Variants in GRPEL2 observed in about 807,000 individuals in gnomAD.
GRPEL2 encodes the protein GrpE like 2, mitochondrial, also known as grpE protein homolog 2, mitochondrial.
Under a neutral mutation model 25.9 loss-of-function variants are expected in GRPEL2, and 18 were observed. The ratio of observed to expected loss-of-function variants is 0.70; its 90% CI spans 0.48 to 1.03. The LOEUF (loss-of-function observed/expected upper bound fraction) is 1.03, where lower values mean the gene tolerates loss of function less well. Ranked by LOEUF, GRPEL2 falls within the 50% of genes least tolerant of loss-of-function variation. GRPEL2 has a pLI of 0.00. For synonymous variants in GRPEL2, 106 were observed against 107.9 expected (o/e 0.98, Z 0.11); for missense variants, 247 against 276.2 (o/e 0.89, Z 0.75).
intron 1 of GRPEL2, among the ~76,000 whole-genome samples, chr5:149,346,715 A>ATTTTTTTTTTTTTTTTTTTTTTTTTTT (rs34300270): frequency 1.7e-5 from 1 of 59,272 alleles, no homozygotes; most frequent in Non-Finnish European, 2.9e-5. Context: ...GGCCCTGAGA[A>ATTTTTTTTTTTTTTTTTTTTTTTTTTT]TTTTTTTTTT....
rs1423807005 is a variant in GRPEL2, at chr5:149,345,513, C to G, written c.-27C>G. 6.3e-7 allele frequency: 1 copy of G among 1,598,134 alleles called. No individual in the cohort carries two copies. The highest frequency in any genetic ancestry group is 8.5e-7 in the Non-Finnish European group (1 of 1,171,250). ...TCTTCACTCGCAGCAAGTGCGCGTG[C>G]GCTGCCTCTCAGCCCAAATTGGAAA... On this transcript the variant is annotated 5_prime_UTR_variant, in exon 1 of 4. Transcript: ENST00000329271.
intron 1 of GRPEL2, among the ~76,000 whole-genome samples, chr5:149,347,273 C>G (rs893062968): frequency 6.6e-6 from 1 of 152,196 alleles, no homozygotes; most frequent in African/African-American, 2.4e-5. Flanking sequence ...CCAGGATGCT[C>G]TTCCCTTTTC....
In GRPEL2 at chr5:149,353,298, T is replaced by C. The variant is rs1307065983; in HGVS notation, c.*2016T>C. On this transcript the variant is annotated 3_prime_UTR_variant, in exon 4 of 4. Transcript: ENST00000329271. ...TTCACAATAGGAAGTTGTCTTTTTT[T>C]GCCTTCCATTCTGTGAGATTTGACA... is the stretch of plus-strand genomic sequence containing the variant. The C allele has an allele frequency of 6.6e-6, 1 of 152,602 alleles. No individual in the cohort carries two copies. The highest frequency in any genetic ancestry group is 1.9e-4 in the East Asian group (1 of 5,206). The allele number at this position is 152,602 out of a possible 1,614,324, so 9.5% of individuals were successfully genotyped here. A position where few individuals can be genotyped will look rare whatever the true frequency, so the allele number is the denominator to read the frequency against.
intron 2 of GRPEL2, among the ~76,000 whole-genome samples, chr5:149,349,073 G>A (rs1308435568): frequency 1.3e-5 from 2 of 151,704 alleles, no homozygotes; most frequent in African/African-American, 2.4e-5. Context: ...TCAGCTCACT[G>A]CAACCTCTGC....
At chr5:149,346,335 G>T (rs1757688131) in intron 1 of GRPEL2, among the ~76,000 whole-genome samples, 1 of 152,114 alleles carries the variant, frequency 6.6e-6, no homozygotes, top group East Asian at 1.9e-4. Context: ...TTTCTTCCTG[G>T]GATAGAGAAT....
rs1757822710 is a variant in GRPEL2, at chr5:149,354,295, T to G, written c.*3013T>G. Reference sequence around the variant, plus strand: ...GACTTGAGATGATACTAAGGAAGCTTTGGCTCACTCTCACTTGAAGAGGGG... The same window carrying G: ...GACTTGAGATGATACTAAGGAAGCTGTGGCTCACTCTCACTTGAAGAGGGG... On this transcript the variant is annotated 3_prime_UTR_variant, in exon 4 of 4. Coordinates refer to ENST00000329271, the MANE Select transcript of GRPEL2 (RefSeq NM_152407.4). 1 of 152,224 alleles carries G rather than the reference T, an allele frequency of 6.6e-6. No homozygotes were observed. Among genetic ancestry groups the G allele is most frequent in the Admixed American group, 6.5e-5 (1 of 15,290 alleles). 9.4% of individuals were successfully genotyped at this position (152,224 alleles called of 1,614,324 possible).
chr5:149,348,399 C>G lies in GRPEL2; in HGVS notation c.205C>G (p.Leu69Val). The G allele has an allele frequency of 1.2e-6, 2 of 1,610,960 alleles. No individual in the cohort carries two copies. The highest frequency in any genetic ancestry group is 1.7e-4 in the Middle Eastern group (1 of 5,880). Residue 69 changes from leucine to valine, a missense_variant, in exon 2 of 4, where the codon CTG becomes GTG. Coordinates refer to ENST00000329271, the MANE Select transcript of GRPEL2 (RefSeq NM_152407.4). ...ERALRVKAVK[L>V]EKEVQDLTVR... The stretch of plus-strand genomic sequence containing the variant: ...AGCCTTAAGGGTAAAAGCTGTTAAA[C>G]TGGAGAAAGAAGTCCAAGATTTAAC...
chr5:149,348,192 A>T, intron 1 of GRPEL2, 80 bp from the exon 2 acceptor site: 1 of 1,278,838 alleles, frequency 7.8e-7, no homozygotes, highest in East Asian at 2.4e-5. Context: ...ATCTGGGAAG[A>T]TCTCTGGTCT....
At position 149,353,766 on chromosome 5, in the gene GRPEL2, T is replaced by C. The variant is rs1757814178; in HGVS notation, c.*2484T>C. The stretch of plus-strand genomic sequence containing the variant: ...CAGACTTAAAAGTGTAAATTTAGAA[T>C]TAGAAGATGAAGCTATAGTAGTAAG... On this transcript the variant is annotated 3_prime_UTR_variant, in exon 4 of 4. Transcript: ENST00000329271. 6.6e-6 allele frequency: 1 copy of C among 152,156 alleles called. No homozygotes were observed. Among genetic ancestry groups the C allele is most frequent in the Non-Finnish European group, 1.5e-5 (1 of 68,028 alleles). 9.4% of individuals were successfully genotyped at this position (152,156 alleles called of 1,614,324 possible).
intron 1 of GRPEL2, among the ~76,000 whole-genome samples, chr5:149,347,419 C>T (rs1757706775): frequency 6.6e-6 from 1 of 152,164 alleles, no homozygotes; most frequent in African/African-American, 2.4e-5. Flanking sequence ...GATAATTTTA[C>T]TTACAGTCAA....
intron 1 of GRPEL2, among the ~76,000 whole-genome samples, chr5:149,346,004 C>G (rs1169076648): frequency 6.6e-6 from 1 of 152,222 alleles, no homozygotes; most frequent in Non-Finnish European, 1.5e-5. Context: ...TATCCGGGCA[C>G]TGTTGTACCT....
Position 149,351,175 on chromosome 5 carries a change from C to A in GRPEL2, c.571C>A (p.Gln191Lys), listed in dbSNP as rs1757767702. The change falls in exon 4 of 4, where the codon CAG becomes AAG. Residue 191 changes from glutamine to lysine, a missense_variant. Transcript: ENST00000329271. ...ICHVPAGVGV[Q>K]PGTVALVRQD... is the part of the protein sequence containing the mutation. ...TCATGTGCCAGCTGGTGTTGGGGTGCAGCCTGGCACCGTGGCATTAGTAAG... is the reference window on the plus strand; with the variant it reads ...TCATGTGCCAGCTGGTGTTGGGGTGAAGCCTGGCACCGTGGCATTAGTAAG... 1 of 1,614,004 alleles carries A rather than the reference C, an allele frequency of 6.2e-7. No individual in the cohort carries two copies. The highest frequency in any genetic ancestry group is 8.5e-7 in the Non-Finnish European group (1 of 1,180,022).
In GRPEL2 at chr5:149,345,532, T is replaced by G; in HGVS notation, c.-8T>G. On this transcript the variant is annotated 5_prime_UTR_variant, in exon 1 of 4. Coordinates refer to ENST00000329271, the MANE Select transcript of GRPEL2 (RefSeq NM_152407.4). ...CGCGTGCGCTGCCTCTCAGCCCAAA[T>G]TGGAAACATGGCCGTACGGTCGCTG... The G allele has an allele frequency of 6.2e-7, 1 of 1,610,026 alleles. No individual in the cohort carries two copies. Among genetic ancestry groups the G allele is most frequent in the Non-Finnish European group, 8.5e-7 (1 of 1,178,412 alleles).
At chr5:149,345,691 C>T in intron 1 of GRPEL2, 75 bp downstream of exon 1, 4 of 1,289,174 alleles carry the variant, frequency 3.1e-6, no homozygotes, top group Non-Finnish European at 4.4e-6. Flanking sequence ...TGGTTGTGGG[C>T]TGGAAGGCGA....
intron 1 of GRPEL2, among the ~76,000 whole-genome samples, chr5:149,347,357 A>G (rs73795986): frequency 0.027 from 4,146 of 152,274 alleles, 156 homozygotes; most frequent in African/African-American, 0.079. Context: ...AGTATATGCC[A>G]GTCCATAAAA....
rs1254271474 is a variant in GRPEL2, at chr5:149,350,925, G to C, written c.321G>C (p.Gln107His). Residue 107 changes from glutamine to histidine, a missense_variant, in exon 4 of 4, where the codon CAG becomes CAC. Transcript: ENST00000329271. ...CVEDAKIFGI[Q>H]SFCKDLVEVA... ...TAACTGGCTTCTCTGCAGGAATCCAGAGTTTCTGTAAGGACTTGGTGGAGG... is the reference window on the plus strand; with the variant it reads ...TAACTGGCTTCTCTGCAGGAATCCACAGTTTCTGTAAGGACTTGGTGGAGG... 2 of 1,612,342 alleles carry C rather than the reference G, an allele frequency of 1.2e-6. No individual in the cohort carries two copies. The highest frequency in any genetic ancestry group is 3.3e-5 in the Admixed American group (2 of 59,790).
chr5:149,347,218 T>G (rs1015008251), intron 1 of GRPEL2, among the ~76,000 whole-genome samples: 3 of 152,186 alleles, frequency 2.0e-5, no homozygotes, highest in East Asian at 1.9e-4. Flanking sequence ...GTAGGAGAGA[T>G]AAAAGTCCTC....
At chr5:149,350,031 G>A (rs1757751620) in intron 3 of GRPEL2, among the ~76,000 whole-genome samples, 1 of 151,930 alleles carries the variant, frequency 6.6e-6, no homozygotes, top group Non-Finnish European at 1.5e-5. Flanking sequence ...TCAACAGAAT[G>A]AGACTCAGTC....
At position 149,348,369 on chromosome 5, in the gene GRPEL2, G is replaced by T. The variant is rs1187470928; in HGVS notation, c.175G>T (p.Glu59Ter). The change falls in exon 2 of 4, where the codon GAA becomes TAA. Residue 59 changes from glutamate to a stop codon, truncating the protein, a stop_gained. Transcript: ENST00000329271. LOFTEE classifies it high-confidence loss of function. ...TGATGAGCTTGGGCCCCCTCTTGCT[G>T]AACGAGCCTTAAGGGTAAAAGCTGT... is the stretch of plus-strand genomic sequence containing the variant. ...PPDELGPPLA[E>*]RALRVKAVKL... 6.2e-7 allele frequency: 1 copy of T among 1,613,634 alleles called. No individual in the cohort carries two copies. Among genetic ancestry groups the T allele is most frequent in the Non-Finnish European group, 8.5e-7 (1 of 1,179,926 alleles).
Sources: allele counts gnomAD v4.1 joint callset (sites outside exome capture counted in the v4.1 genomes callset), GRCh38; gene constraint gnomAD v4.1.1; transcripts MANE v1.5; gene names NCBI Gene and HGNC (gene_info 2026-07-23, HGNC 2026-07-21).